The following TRPM1 variants were observed in gnomAD, a reference collection of about 807,000 sequenced individuals.
The protein encoded by TRPM1 is TRPM1-203 APA Isoform, Intron 10.
A neutral mutation model predicts 149.4 loss-of-function variants in TRPM1; 113 were observed. That is an observed-to-expected ratio of 0.76 (90% CI 0.65 to 0.88). TRPM1 has a LOEUF of 0.88. Among genes scored for constraint, TRPM1 ranks in the 40% least tolerant of loss-of-function variants. The probability of loss-of-function intolerance (pLI) is 0.00; values close to 1 mark genes in which losing one functional copy is unlikely to be tolerated. For synonymous variants in TRPM1, 741 were observed against 759.5 expected (o/e 0.98, Z 0.40); for missense variants, 1,976 against 2,038.7 (o/e 0.97, Z 0.59).
intron 27 of TRPM1, among the ~76,000 whole-genome samples, chr15:31,015,577 T>C (rs1221541994): frequency 6.6e-6 from 1 of 152,082 alleles, no homozygotes; most frequent in African/African-American, 2.4e-5. Context: ...CGTCAATCTT[T>C]GCTTTAAAAC....
In TRPM1 at chr15:31,116,032, T is replaced by A. The variant is rs536201859; in HGVS notation, c.55-39048A>T. Among the ~76,000 whole-genome samples the A allele has an allele frequency of 1.4e-4, 21 of 152,158 alleles. No homozygotes were observed. The South Asian group carries it at 3.9e-3, about 29-fold the overall frequency. On this transcript the variant is annotated intron_variant, in intron 1 of 26. Coordinates refer to the TRPM1 transcript ENST00000542188. ...CATCCCTGAGGACTCTGCCTCTTGA[T>A]CTAATCATCTCCCTAATGCCCCAGT...
intron 16 of TRPM1, among the ~76,000 whole-genome samples, chr15:31,043,627 A>T (rs1476561754): frequency 6.6e-6 from 1 of 152,210 alleles, no homozygotes; most frequent in Non-Finnish European, 1.5e-5. Flanking sequence ...AGTCGCAGTG[A>T]TATGGGAAAG....
chr15:31,033,161 A>G (rs1319774259), intron 21 of TRPM1: 3 of 631,176 alleles, frequency 4.8e-6, no homozygotes, highest in Non-Finnish European at 8.2e-6. Flanking sequence ...CAAACTCAGG[A>G]AATGCCTTCT....
intron 3 of TRPM1, among the ~76,000 whole-genome samples, chr15:31,073,284 T>C (rs2140972390): frequency 1.3e-5 from 2 of 152,290 alleles, no homozygotes; most frequent in South Asian, 4.1e-4. Context: ...TTGAAAGTAC[T>C]TTTCACCCTT....
chr15:31,037,599 T>A, intron 20 of TRPM1, 112 bp downstream of exon 20: 1 of 1,440,472 alleles, frequency 6.9e-7, no homozygotes, highest in Non-Finnish European at 9.7e-7. Context: ...TAATTCATTT[T>A]AATTCAGTGA....
intron 7 of TRPM1, among the ~76,000 whole-genome samples, chr15:31,064,555 C>A (rs2034317976): frequency 6.6e-6 from 1 of 152,202 alleles, no homozygotes; most frequent in Admixed American, 6.5e-5. Context: ...CACTCTGAGC[C>A]TATTTCACCA....
chr15:31,054,282 T>G (rs760297004), intron 11 of TRPM1, among the ~76,000 whole-genome samples: 4 of 152,108 alleles, frequency 2.6e-5, no homozygotes, highest in Admixed American at 6.6e-5. Flanking sequence ...TCATTATGTT[T>G]TTTGTTTGTT....
chr15:31,160,197 C>T (rs1470120501), intron 1 of TRPM1, among the ~76,000 whole-genome samples: 1 of 152,184 alleles, frequency 6.6e-6, no homozygotes, highest in East Asian at 1.9e-4. Context: ...TCTCCTTGGG[C>T]TCAAGTGGTC....
intron 1 of TRPM1, among the ~76,000 whole-genome samples, chr15:31,129,807 G>T (rs1480598693): frequency 6.6e-6 from 1 of 152,188 alleles, no homozygotes; most frequent in African/African-American, 2.4e-5. Flanking sequence ...ACTGGACAGT[G>T]AGTGAAAGCC....
chr15:31,053,658 T>C (rs1263812881), intron 11 of TRPM1, among the ~76,000 whole-genome samples: 1 of 152,144 alleles, frequency 6.6e-6, no homozygotes, highest in Non-Finnish European at 1.5e-5. Context: ...AAATGTAAAA[T>C]GGTGCAACTG....
intron 1 of TRPM1, among the ~76,000 whole-genome samples, chr15:31,130,803 C>T (rs374143671): frequency 1.6e-4 from 25 of 152,178 alleles, no homozygotes; most frequent in Admixed American, 4.6e-4. Context: ...CTCCCGGGCC[C>T]GCTACCTGCC....
chr15:31,050,296 C>T, intron 12 of TRPM1, 113 bp downstream of exon 12: 2 of 1,495,770 alleles, frequency 1.3e-6, no homozygotes, highest in Non-Finnish European at 1.9e-6. Flanking sequence ...CAAGCCTTTA[C>T]CCGTCCCTCC....
At chr15:31,062,728 A>C (rs181716586) in intron 8 of TRPM1, 26 bp from the exon 9 acceptor site, 1 of 1,612,688 alleles carries the variant, frequency 6.2e-7, no homozygotes, top group East Asian at 2.2e-5. Flanking sequence ...GCAAGAGAAC[A>C]AAACAAGGCA....
chr15:31,038,017 A>G (rs373716044), intron 19 of TRPM1, 27 bp downstream of exon 19: 18 of 1,613,876 alleles, frequency 1.1e-5, no homozygotes, highest in Admixed American at 8.3e-5. Flanking sequence ...TTACACTGAT[A>G]TGCTTAGGGT....
chr15:31,042,508 C>A (rs932361136), intron 16 of TRPM1, among the ~76,000 whole-genome samples: 1 of 152,196 alleles, frequency 6.6e-6, no homozygotes, highest in African/African-American at 2.4e-5. Flanking sequence ...TACTTAGAAG[C>A]CTTTAACTGA....
intron 24 of TRPM1, among the ~76,000 whole-genome samples, chr15:31,029,051 G>C: frequency 6.6e-6 from 1 of 152,018 alleles, no homozygotes; most frequent in East Asian, 1.9e-4. Flanking sequence ...ATGTTGTATG[G>C]GTTAGGGATT....
intron 1 of TRPM1, among the ~76,000 whole-genome samples, chr15:31,127,581 C>T (rs764605703): frequency 6.6e-6 from 1 of 152,200 alleles, no homozygotes. Flanking sequence ...GTTCCACTGT[C>T]GTTCTCAAAC....
At chr15:31,049,667 T>A (rs1262157213) in intron 12 of TRPM1, among the ~76,000 whole-genome samples, 158 bp from the exon 13 acceptor site, 1 of 152,158 alleles carries the variant, frequency 6.6e-6, no homozygotes, top group Non-Finnish European at 1.5e-5. Context: ...ACACTCCCCA[T>A]CTCCCCTCTC....
chr15:31,050,744 A>G, intron 11 of TRPM1, among the ~76,000 whole-genome samples, 162 bp from the exon 12 acceptor site: 1 of 152,114 alleles, frequency 6.6e-6, no homozygotes, highest in East Asian at 1.9e-4. Flanking sequence ...ATGCCCACAC[A>G]TATGTACAGG....
Sources: allele counts gnomAD v4.1 joint callset (sites outside exome capture counted in the v4.1 genomes callset), GRCh38; gene constraint gnomAD v4.1.1; transcripts MANE v1.5; gene names NCBI Gene and HGNC (gene_info 2026-07-23, HGNC 2026-07-21).